ULK4: variants seen among roughly 807,000 people sequenced by gnomAD.
The protein encoded by ULK4 is inactive serine/threonine-protein kinase ULK4.
Under a neutral mutation model 160.6 loss-of-function variants are expected in ULK4, and 133 were observed. The observed-to-expected ratio is 0.83, with a 90% confidence interval of 0.72 to 0.96. The LOEUF is 0.96. ULK4 is among the 40% of genes least tolerant of loss of function. The pLI, the probability that ULK4 is intolerant of heterozygous loss-of-function variation, is 0.00. For missense variants in ULK4, 1,580 were observed against 1,499.5 expected (o/e 1.05, Z -0.89); for synonymous variants, 534 against 539.8 (o/e 0.99, Z 0.15).
chr3:41,608,473 AG>A (rs2032495616), intron 31 of ULK4, among the ~76,000 whole-genome samples: 1 of 152,176 alleles, frequency 6.6e-6, no homozygotes, highest in South Asian at 2.1e-4. Flanking sequence ...AGTAATTTCG[AG>A]AAAAAGTAAC....
chr3:41,855,062 C>T (rs541695884), intron 17 of ULK4, among the ~76,000 whole-genome samples: 1 of 151,810 alleles, frequency 6.6e-6, no homozygotes, highest in South Asian at 2.1e-4. Flanking sequence ...TTTTAATCTA[C>T]CCACCAAGCA....
chr3:41,308,190 C>T (rs966121816), intron 35 of ULK4, among the ~76,000 whole-genome samples: 1 of 151,964 alleles, frequency 6.6e-6, no homozygotes, highest in African/African-American at 2.4e-5. Context: ...TACAGTAGGT[C>T]CAGAAAACTT....
intron 5 of ULK4, among the ~76,000 whole-genome samples, chr3:41,926,954 C>T (rs548495884): frequency 6.6e-6 from 1 of 152,250 alleles, no homozygotes; most frequent in South Asian, 2.1e-4. Context: ...ACTTCCCCAA[C>T]CTAGCAAGAC....
intron 20 of ULK4, among the ~76,000 whole-genome samples, chr3:41,794,892 G>GA (rs2040260048): frequency 6.6e-6 from 1 of 152,000 alleles, no homozygotes; most frequent in Non-Finnish European, 1.5e-5. Flanking sequence ...TCCTGAGGCA[G>GA]AAAAATACTT....
chr3:41,743,508 T>TA (rs1400176424), intron 22 of ULK4, among the ~76,000 whole-genome samples: 2 of 151,600 alleles, frequency 1.3e-5, no homozygotes, highest in African/African-American at 2.4e-5. Flanking sequence ...GTTAAGAATA[T>TA]AAAAAAAGAA....
chr3:41,635,105 T>G (rs1464352135), intron 30 of ULK4, among the ~76,000 whole-genome samples: 2 of 152,212 alleles, frequency 1.3e-5, no homozygotes, highest in Non-Finnish European at 2.9e-5. Flanking sequence ...GATTTTAGGT[T>G]CAGTCCCATT....
At chr3:41,410,796 C>G (rs2125826923) in intron 34 of ULK4, among the ~76,000 whole-genome samples, 1 of 152,258 alleles carries the variant, frequency 6.6e-6, no homozygotes, top group Non-Finnish European at 1.5e-5. Flanking sequence ...CACCTACCAC[C>G]AGGGACAGGG....
chr3:41,880,423 T>C (rs61661916), intron 17 of ULK4, among the ~76,000 whole-genome samples: 18,882 of 152,234 alleles, frequency 0.12, 1,358 homozygotes, highest in Middle Eastern at 0.27. Flanking sequence ...GAAAGAGATT[T>C]AAATTATATT....
rs183282667 is a variant in ULK4 at position 41,397,251 on chromosome 3, G to A, written c.3678+828C>T. On this transcript the variant is annotated intron_variant, in intron 35 of 36. Coordinates refer to ENST00000301831, the MANE Select transcript of ULK4 (RefSeq NM_017886.4). Reference sequence around the variant, plus strand: ...TTTTCAAAAGCACTTTCAAATAGACGTCAGCTATATATGCATTTTTAAATA... The same window carrying A: ...TTTTCAAAAGCACTTTCAAATAGACATCAGCTATATATGCATTTTTAAATA... Among the ~76,000 whole-genome samples the A allele has an allele frequency of 7.2e-5, 11 of 152,192 alleles. No homozygotes were observed. The East Asian group carries it at 9.7e-4, about 13-fold the overall frequency.
intron 32 of ULK4, among the ~76,000 whole-genome samples, chr3:41,550,820 C>G (rs375763639): frequency 7.5e-4 from 114 of 152,144 alleles, no homozygotes; most frequent in African/African-American, 2.6e-3. Context: ...AATCCAACAA[C>G]TGCAGAATAT....
intron 16 of ULK4, among the ~76,000 whole-genome samples, chr3:41,885,978 T>C (rs1295700551): frequency 6.6e-6 from 1 of 152,174 alleles, no homozygotes; most frequent in Non-Finnish European, 1.5e-5. Context: ...GCATCTGGCC[T>C]TAATTTTTAC....
At chr3:41,266,483 G>A (rs2079036316) in intron 35 of ULK4, among the ~76,000 whole-genome samples, 2 of 151,672 alleles carry the variant, frequency 1.3e-5, no homozygotes, top group African/African-American at 4.9e-5. Flanking sequence ...GAGACCAAGA[G>A]AGACTCCCTC....
At chr3:41,401,020 C>A (rs2082168430) in intron 34 of ULK4, among the ~76,000 whole-genome samples, 1 of 152,066 alleles carries the variant, frequency 6.6e-6, no homozygotes, top group Non-Finnish European at 1.5e-5. Flanking sequence ...TTTGAAAGTT[C>A]TTTAAATAGT....
intron 21 of ULK4, among the ~76,000 whole-genome samples, chr3:41,777,850 G>A (rs958367107): frequency 1.4e-5 from 2 of 142,576 alleles, no homozygotes; most frequent in African/African-American, 5.3e-5. Flanking sequence ...CAACTACATG[G>A]TCAATTTAAA....
chr3:41,369,293 G>A (rs900640357), intron 35 of ULK4, among the ~76,000 whole-genome samples: 2 of 152,110 alleles, frequency 1.3e-5, no homozygotes, highest in South Asian at 2.1e-4. Flanking sequence ...CCAGGAGTTC[G>A]AGACCTGGAC....
At chr3:41,717,918 A>G (rs2037328669) in intron 22 of ULK4, 57 bp from the exon 23 acceptor site, 1 of 1,555,344 alleles carries the variant, frequency 6.4e-7, no homozygotes, top group African/African-American at 1.3e-5. Flanking sequence ...GATAGCATCT[A>G]TCCAAAAATG....
At chr3:41,450,352 T>C (rs1265168497) in intron 34 of ULK4, among the ~76,000 whole-genome samples, 1 of 152,212 alleles carries the variant, frequency 6.6e-6, no homozygotes, top group Non-Finnish European at 1.5e-5. Context: ...TAAGCAAGTC[T>C]AGGCATTTTT....
intron 34 of ULK4, 94 bp from the exon 35 acceptor site, chr3:41,398,358 A>T (rs2082109628): frequency 1.6e-6 from 2 of 1,231,410 alleles, no homozygotes; most frequent in African/African-American, 3.1e-5. Context: ...TGGGGGTGTC[A>T]GCCTGAGTAG....
At chr3:41,901,813 A>C (rs960538786) in intron 12 of ULK4, among the ~76,000 whole-genome samples, 4 of 152,118 alleles carry the variant, frequency 2.6e-5, no homozygotes, top group Non-Finnish European at 4.4e-5. Flanking sequence ...AATGTTAATC[A>C]ATTTATTTCT....
Sources: gnomAD v4.1 joint callset for allele counts (sites outside exome capture counted in the v4.1 genomes callset) on GRCh38, gnomAD v4.1.1 for gene constraint, MANE v1.5 for transcripts, NCBI Gene and HGNC (gene_info 2026-07-23, HGNC 2026-07-21) for gene names.